SPTBN4: variants seen among roughly 807,000 people sequenced by gnomAD.
The protein encoded by SPTBN4 is spectrin beta chain, non-erythrocytic 4.
Under a neutral mutation model 277.8 loss-of-function variants are expected in SPTBN4, and 96 were observed. The observed-to-expected ratio is 0.35, with a 90% CI of 0.29 to 0.41. SPTBN4 has a LOEUF of 0.41. Ranked by LOEUF, SPTBN4 falls within the 10% of genes least tolerant of loss-of-function variation. SPTBN4 has a pLI of 1.00. For missense variants in SPTBN4, 3,006 were observed against 3,595.7 expected, an observed-to-expected ratio of 0.84 and a Z score of 4.19; for synonymous variants, 1,481 against 1,580.3, an observed-to-expected ratio of 0.94 and a Z score of 1.49.
At position 40,513,273 on chromosome 19, in the gene SPTBN4, C is replaced by G. The variant is rs753868706; in HGVS notation, c.2484C>G (p.Pro828=). The G allele has an allele frequency of 2.0e-5, 30 of 1,533,976 alleles. 1 individual carries two copies. The highest frequency in any genetic ancestry group is 1.2e-4 in the South Asian group (10 of 82,962). The change falls in exon 14 of 36, where the codon CCC becomes CCG. Residue 828 remains proline, a synonymous_variant. Coordinates refer to ENST00000598249, the MANE Select transcript of SPTBN4 (RefSeq NM_020971.3). ...GGGAGGTGGAGGCACATCGCGGGCC[C>G]GTGAGCGGCCTGCGGCGCCAGCTGG... is the stretch of plus-strand genomic sequence containing the variant. ...LTGEVEAHRG[P]VSGLRRQLAT...
At chr19:40,538,109 C>A (rs1271334987) in intron 20 of SPTBN4, among the ~76,000 whole-genome samples, 1 of 152,178 alleles carries the variant, frequency 6.6e-6, no homozygotes, top group Non-Finnish European at 1.5e-5. Context: ...GCAGCCATGG[C>A]CAGACGCAGT....
intron 20 of SPTBN4, among the ~76,000 whole-genome samples, chr19:40,535,671 G>A (rs1423417107): frequency 1.3e-5 from 2 of 152,086 alleles, no homozygotes; most frequent in East Asian, 1.9e-4. Flanking sequence ...GGTGGCTCAC[G>A]CCTGTAACCC....
rs1358547042 is a variant in SPTBN4 at position 40,534,094 on chromosome 19, G to A, written c.4110G>A (p.Leu1370=). The part of the protein sequence containing the change: ...LEKIEREGQQ[L]MQEKPELAAS... ...ACTTGGGGCAGGAGGGCCAGCAACT[G>A]ATGCAGGAGAAGCCCGAACTGGCGG... The change falls in exon 20 of 36, where the codon CTG becomes CTA. Residue 1370 remains leucine, a synonymous_variant. Transcript: ENST00000598249. 2 of 1,603,088 alleles carry A rather than the reference G, an allele frequency of 1.2e-6. No individual in the cohort carries two copies. Among genetic ancestry groups the A allele is most frequent in the South Asian group, 1.1e-5 (1 of 90,658 alleles).
At chr19:40,539,070 T>C (rs2080770322) in intron 20 of SPTBN4, among the ~76,000 whole-genome samples, 1 of 152,040 alleles carries the variant, frequency 6.6e-6, no homozygotes, top group African/African-American at 2.4e-5. Flanking sequence ...GATCCCGGGC[T>C]GAAGCATCCA....
In SPTBN4 at chr19:40,560,553, C is replaced by T. The variant is rs575270726; in HGVS notation, c.5915+150C>T. The T allele has an allele frequency of 1.2e-4, 186 of 1,525,360 alleles. No individual in the cohort carries two copies. In the East Asian group the frequency reaches 3.9e-3, roughly 32 times the overall value. The allele number at this position is 1,525,360 out of a possible 1,614,324, so 94.5% of individuals were successfully genotyped here. A position where few individuals can be genotyped will look rare whatever the true frequency, so the allele number is the denominator to read the frequency against. On this transcript the variant is annotated intron_variant, in intron 27 of 35. Coordinates refer to ENST00000598249, the MANE Select transcript of SPTBN4 (RefSeq NM_020971.3). The surrounding 1 kb of genome is among the most constrained non-coding windows in gnomAD (Gnocchi z 5.2). Reference sequence around the variant, plus strand: ...GTGCTAGGCACTGTTCTAGGTGCTTCGTGTGTATTCAGACCCCTTTTTTAG... The same window carrying T: ...GTGCTAGGCACTGTTCTAGGTGCTTTGTGTGTATTCAGACCCCTTTTTTAG...
intron 18 of SPTBN4, among the ~76,000 whole-genome samples, chr19:40,529,438 A>G (rs1188761600): frequency 6.6e-6 from 1 of 152,138 alleles, no homozygotes; most frequent in Non-Finnish European, 1.5e-5. Context: ...ATTTGTGAGA[A>G]TCGCTCTACC....
At chr19:40,513,962 T>C (rs548349059) in intron 14 of SPTBN4, among the ~76,000 whole-genome samples, 2 of 152,318 alleles carry the variant, frequency 1.3e-5, no homozygotes, top group South Asian at 4.1e-4. Context: ...CCATTGCTTC[T>C]GCATAAATGT....
At position 40,554,899 on chromosome 19, in the gene SPTBN4, G is replaced by C. The variant is rs149544753; in HGVS notation, c.5084+253G>C. 1.1e-3 allele frequency: 541 copies of C among 488,556 alleles called. 2 individuals are homozygous for C. The highest frequency in any genetic ancestry group is 6.5e-3 in the Middle Eastern group (21 of 3,224). The allele number at this position is 488,556 out of a possible 1,614,324, so 30.3% of individuals were successfully genotyped here. On this transcript the variant is annotated intron_variant, in intron 24 of 35. Coordinates refer to ENST00000598249, the MANE Select transcript of SPTBN4 (RefSeq NM_020971.3). This position sits in a 1 kb window ranked among gnomAD's most constrained non-coding sequence, Gnocchi z 5.7. ...GACCTTGTCGGGGGAGAAAAGAGTA[G>C]GCGATGTCTAGGACTGGGGTAGAGA...
Position 40,568,178 on chromosome 19 carries a change from C to T in SPTBN4, c.6852C>T (p.Gly2284=), listed in dbSNP as rs1369983345. The T allele has an allele frequency of 6.3e-7, 1 of 1,589,188 alleles. No individual in the cohort carries two copies. The highest frequency in any genetic ancestry group is 8.6e-7 in the Non-Finnish European group (1 of 1,168,424). Residue 2284 remains glycine (G), a synonymous_variant, in exon 31 of 36, where the codon GGC becomes GGT. Transcript: ENST00000598249. ...EHEAAHSLTL[G]RYEQMERRRE... ...AGGCGGCACACAGCCTTACCCTGGG[C>T]CGCTATGAGCAGATGGAGCGGCGGC...
Position 40,560,488 on chromosome 19 carries a change from A to G in SPTBN4, c.5915+85A>G, listed in dbSNP as rs556782150. On this transcript the variant is annotated intron_variant, in intron 27 of 35. Transcript: ENST00000598249. The surrounding 1 kb of genome is among the most constrained non-coding windows in gnomAD (Gnocchi z 5.2). ...CCAGCCCATTGACAGCCCCCTTCTC[A>G]ATGGAATGACAACAGCCAATATCTG... 6.2e-6 allele frequency: 10 copies of G among 1,602,448 alleles called. No homozygotes were observed. In the African/African-American group the frequency reaches 1.2e-4, roughly 19 times the overall value.
intron 17 of SPTBN4, among the ~76,000 whole-genome samples, chr19:40,526,335 C>T (rs2080591671): frequency 6.6e-6 from 1 of 152,106 alleles, no homozygotes; most frequent in South Asian, 2.1e-4. Context: ...CCATGTCCAA[C>T]TAATTTTTGT....
chr19:40,519,336 G>A lies in SPTBN4; in HGVS notation c.2904-65G>A, dbSNP rs814538. The stretch of plus-strand genomic sequence containing the variant: ...TTGGGCCTGGATTCTACCCTGGGTC[G>A]GCGGGCCCTCCGCGCCCAAGAGGAG... On this transcript the variant is annotated intron_variant, in intron 15 of 35. Coordinates refer to ENST00000598249, the MANE Select transcript of SPTBN4 (RefSeq NM_020971.3). This position sits in a 1 kb window ranked among gnomAD's most constrained non-coding sequence, Gnocchi z 5.7. The A allele has an allele frequency of 0.41, 582,663 of 1,406,926 alleles. 125,754 individuals carry two copies. The highest frequency in any genetic ancestry group is 0.75 in the African/African-American group (50,536 of 67,450). 87.2% of individuals were successfully genotyped at this position (1,406,926 alleles called of 1,614,324 possible). A position where few individuals can be genotyped will look rare whatever the true frequency, so the allele number is the denominator to read the frequency against.
intron 22 of SPTBN4, 40 bp downstream of exon 22, chr19:40,550,367 G>A (rs754809769): frequency 8.2e-6 from 13 of 1,580,164 alleles, no homozygotes; most frequent in Non-Finnish European, 1.1e-5. Context: ...AGGACATTTG[G>A]ATACATGTGA....
rs867298091 is a variant in SPTBN4 at position 40,544,142 on chromosome 19, T to G, written c.4360-5047T>G. On this transcript the variant is annotated intron_variant, in intron 20 of 35. Coordinates refer to ENST00000598249, the MANE Select transcript of SPTBN4 (RefSeq NM_020971.3). ...TCTTCTTCCTCTTTTTTTTTTTTTTTTTTGTTTGTTTGTTGTTGAGACTGA... is the reference window on the plus strand; with the variant it reads ...TCTTCTTCCTCTTTTTTTTTTTTTTGTTTGTTTGTTTGTTGTTGAGACTGA... Among the ~76,000 whole-genome samples, 122 of 150,738 alleles carry G rather than the reference T, an allele frequency of 8.1e-4. 1 individual carries two copies. Among genetic ancestry groups the G allele is most frequent in the Admixed American group, 4.8e-3 (72 of 15,116 alleles).
rs925676521 is a variant in SPTBN4, at chr19:40,474,606, AT to A, written c.169+1827del. On this transcript the variant is annotated intron_variant, in intron 2 of 35. Coordinates refer to ENST00000598249, the MANE Select transcript of SPTBN4 (RefSeq NM_020971.3). ...CACCATGCCTGGCTAATTAAAAATA[AT>A]TTTTTTTTTTGGCGAAGCATGGTGG... 7.1e-3 allele frequency among the ~76,000 whole-genome samples: 1,049 copies of A among 147,456 alleles called. 9 individuals are homozygous for A. The highest frequency in any genetic ancestry group is 0.019 in the African/African-American group (790 of 40,516).
At chr19:40,552,961 A>T (rs1752778805) in intron 22 of SPTBN4, among the ~76,000 whole-genome samples, 1 of 152,160 alleles carries the variant, frequency 6.6e-6, no homozygotes, top group Admixed American at 6.6e-5. Flanking sequence ...TCCATAGTTT[A>T]TCACCTTATA....
rs56045928 is a variant in SPTBN4, at chr19:40,555,489, C to CAAA, written c.5085-578_5085-576dup. Among the ~76,000 whole-genome samples, 314 of 74,878 alleles carry CAAA rather than the reference C, an allele frequency of 4.2e-3. 2 individuals carry two copies. The highest frequency in any genetic ancestry group is 0.016 in the African/African-American group (296 of 18,230). The allele number at this position is 74,878 out of a possible 152,430, so 49.1% of individuals were successfully genotyped here. A position where few individuals can be genotyped will look rare whatever the true frequency, so the allele number is the denominator to read the frequency against. Reference sequence around the variant, plus strand: ...CTGGTGACAGAGCAAGACTCCGTCTCAAAAAAAAAAAAAAAAAAAGAAAAG... The same window carrying CAAA: ...CTGGTGACAGAGCAAGACTCCGTCTCAAAAAAAAAAAAAAAAAAAAAAGAAAAG... On this transcript the variant is annotated intron_variant, in intron 24 of 35. Coordinates refer to ENST00000598249, the MANE Select transcript of SPTBN4 (RefSeq NM_020971.3).
rs2081145282 is a variant in SPTBN4 at position 40,570,587 on chromosome 19, G to C, written c.7178G>C (p.Gly2393Ala). The change falls in exon 33 of 36, where the codon GGG becomes GCG. Residue 2393 changes from glycine (G) to alanine (A), a missense_variant. Transcript: ENST00000598249. ...RPRPREGGEGGGSRRSRSAPA... is the reference protein window; with the variant it reads ...RPRPREGGEGAGSRRSRSAPA... ...CGGCCCAGAGAGGGTGGTGAGGGCG[G>C]GGGAAGCCGGCGCTCGCGCTCCGCC... The C allele has an allele frequency of 2.0e-5, 27 of 1,377,252 alleles. No homozygotes were observed. The highest frequency in any genetic ancestry group is 2.5e-5 in the Non-Finnish European group (27 of 1,066,458). The allele number at this position is 1,377,252 out of a possible 1,614,324, so 85.3% of individuals were successfully genotyped here.
In SPTBN4 at chr19:40,505,725, AGG is replaced by A. The variant is rs1287269619; in HGVS notation, c.1666-510_1666-509del. Among the ~76,000 whole-genome samples the A allele has an allele frequency of 9.3e-5, 14 of 150,756 alleles. No individual in the cohort carries two copies. The East Asian group carries it at 2.5e-3, about 27-fold the overall frequency. On this transcript the variant is annotated intron_variant, in intron 12 of 35. Transcript: ENST00000598249. Reference sequence around the variant, plus strand: ...GAGGAAGGAAGGAAGGAAGGAAGGAAGGAAGGAAGGAAGGAAGGAAGGAAGGA... The same window carrying A: ...GAGGAAGGAAGGAAGGAAGGAAGGAAAAGGAAGGAAGGAAGGAAGGAAGGA...
Sources: allele counts gnomAD v4.1 joint callset (sites outside exome capture counted in the v4.1 genomes callset), GRCh38; gene constraint gnomAD v4.1.1; non-coding constraint Gnocchi (gnomAD v3.1); transcripts MANE v1.5; gene names NCBI Gene and HGNC (gene_info 2026-07-23, HGNC 2026-07-21).